The following EZH1 variants were observed in gnomAD, a reference collection of about 807,000 sequenced individuals.
EZH1 encodes enhancer of zeste 1 polycomb repressive complex 2 subunit, also known as histone-lysine N-methyltransferase EZH1.
EZH1 carries 33 observed loss-of-function variants against 100.5 expected under a neutral mutation model. The observed-to-expected ratio is 0.33, with a 90% CI of 0.25 to 0.44. EZH1 has a LOEUF of 0.44. Among genes scored for constraint, EZH1 ranks in the 20% least tolerant of loss-of-function variants. EZH1 has a pLI of 1.00. For synonymous variants in EZH1, 272 were observed against 313.8 expected (o/e 0.87, Z 1.41); for missense variants, 475 against 928.4 (o/e 0.51, Z 6.35).
intron 13 of EZH1, chr17:42,709,583 C>T: frequency 2.6e-6 from 1 of 379,292 alleles, no homozygotes; most frequent in Non-Finnish European, 4.8e-6. Flanking sequence ...GAGGCCAGCT[C>T]ATGTCCTATT....
rs1281267828 is a variant in EZH1 at position 42,734,936 on chromosome 17, T to C, written c.-102-4018A>G. 2.0e-5 allele frequency among the ~76,000 whole-genome samples: 3 copies of C among 147,122 alleles called. No individual in the cohort carries two copies. The East Asian group carries it at 6.0e-4, about 29-fold the overall frequency. On this transcript the variant is annotated intron_variant, in intron 1 of 20. Coordinates refer to ENST00000428826, the MANE Select transcript of EZH1 (RefSeq NM_001991.5). ...TGAACCTGGGAGGCAGAGGTTGCAG[T>C]GAGCTGAGATCGCGCCACTGCACTC...
chr17:42,704,516 C>T, intron 18 of EZH1, 86 bp downstream of exon 18: 1 of 1,101,488 alleles, frequency 9.1e-7, no homozygotes, highest in East Asian at 2.5e-5. Context: ...CCATTGCACC[C>T]TAGCCTGGGC....
intron 10 of EZH1, among the ~76,000 whole-genome samples, chr17:42,716,763 A>C (rs2053612879): frequency 6.6e-6 from 1 of 151,892 alleles, no homozygotes; most frequent in South Asian, 2.1e-4. Flanking sequence ...CAGTGGCGTG[A>C]TCTCGGCTCA....
intron 7 of EZH1, among the ~76,000 whole-genome samples, chr17:42,719,503 G>A (rs1246625935): frequency 6.6e-6 from 1 of 152,192 alleles, no homozygotes; most frequent in East Asian, 1.9e-4. Context: ...TTGAGAGGCC[G>A]AGGGGAGCGG....
chr17:42,717,888 A>G (rs936596868), intron 10 of EZH1, 88 bp downstream of exon 10: 2 of 1,171,566 alleles, frequency 1.7e-6, no homozygotes, highest in African/African-American at 1.5e-5. Flanking sequence ...TATTTGTGCT[A>G]TATGACCCCC....
chr17:42,728,599 G>A (rs552448004), intron 3 of EZH1, among the ~76,000 whole-genome samples: 17 of 150,988 alleles, frequency 1.1e-4, no homozygotes, highest in East Asian at 2.0e-4. Flanking sequence ...AAAATTAGCC[G>A]GGCGTGGTGG....
chr17:42,714,059 A>G (rs1032970976), intron 10 of EZH1, among the ~76,000 whole-genome samples: 6 of 151,798 alleles, frequency 4.0e-5, no homozygotes, highest in Admixed American at 3.9e-4. Context: ...GTACAATCTT[A>G]CTACTTAATT....
intron 13 of EZH1, 98 bp downstream of exon 13, chr17:42,709,748 G>A (rs1011362176): frequency 7.9e-6 from 9 of 1,139,726 alleles, no homozygotes; most frequent in South Asian, 1.3e-5. Context: ...AGCCTGTGCG[G>A]TTGCTAAAGA....
At chr17:42,726,859 A>T (rs531559655) in intron 4 of EZH1, among the ~76,000 whole-genome samples, 5 of 150,876 alleles carry the variant, frequency 3.3e-5, no homozygotes, top group Admixed American at 6.6e-5. Context: ...ATTATTTATT[A>T]TTTTTTTTGA....
intron 10 of EZH1, among the ~76,000 whole-genome samples, chr17:42,715,741 T>C (rs1474991243): frequency 1.3e-5 from 2 of 152,126 alleles, no homozygotes; most frequent in East Asian, 3.9e-4. Context: ...TTATTTGAGA[T>C]TAAAAACGAG....
chr17:42,734,849 C>T (rs1052428993), intron 1 of EZH1, among the ~76,000 whole-genome samples: 17 of 151,224 alleles, frequency 1.1e-4, no homozygotes, highest in Admixed American at 7.3e-4. Flanking sequence ...AAAAATTAGC[C>T]GGGTGTGGTG....
intron 10 of EZH1, among the ~76,000 whole-genome samples, chr17:42,714,112 ATT>A (rs1850704576): frequency 6.6e-6 from 1 of 152,220 alleles, no homozygotes; most frequent in South Asian, 2.1e-4. Context: ...TCAGAAGAAT[ATT>A]GTTTCATTAT....
Position 42,717,027 on chromosome 17 carries a change from A to G in EZH1, c.1023+949T>C, listed in dbSNP as rs538001740. On this transcript the variant is annotated intron_variant, in intron 10 of 20. Transcript: ENST00000428826. Reference sequence around the variant, plus strand: ...AACATGGAGTAATTTTAAAAGCATGATCTGTGGAGTTAGACCCTGACTTGA... The same window carrying G: ...AACATGGAGTAATTTTAAAAGCATGGTCTGTGGAGTTAGACCCTGACTTGA... Among the ~76,000 whole-genome samples the G allele has an allele frequency of 7.2e-5, 11 of 152,228 alleles. No individual in the cohort carries two copies. In the South Asian group the frequency reaches 2.3e-3, roughly 32 times the overall value.
In EZH1 at chr17:42,709,443, A is replaced by T. The variant is rs139354110; in HGVS notation, c.1493+403T>A. ...GAATTTTTTTAAAAACTTCCAACCT[A>T]AGTAAAGGCTATCATGTAACTCAGA... is the stretch of plus-strand genomic sequence containing the variant. On this transcript the variant is annotated intron_variant, in intron 13 of 20. Coordinates refer to ENST00000428826, the MANE Select transcript of EZH1 (RefSeq NM_001991.5). 2.2e-3 allele frequency: 396 copies of T among 181,758 alleles called. 1 individual carries two copies. Among genetic ancestry groups the T allele is most frequent in the African/African-American group, 7.7e-3 (326 of 42,418 alleles). 11.3% of individuals were successfully genotyped at this position (181,758 alleles called of 1,614,324 possible).
At chr17:42,732,118 AAAAACAAAAAC>A (rs1208988082) in intron 1 of EZH1, among the ~76,000 whole-genome samples, 2 of 151,950 alleles carry the variant, frequency 1.3e-5, no homozygotes, top group East Asian at 3.9e-4. Context: ...CCCCTGTCTC[AAAAACAAAAAC>A]AAAACAAAAC....
intron 1 of EZH1, among the ~76,000 whole-genome samples, chr17:42,743,029 C>T (rs2054205648): frequency 6.6e-6 from 1 of 152,050 alleles, no homozygotes; most frequent in Non-Finnish European, 1.5e-5. Context: ...ACCACCACGC[C>T]CAGCTAATTC....
intron 14 of EZH1, 23 bp from the exon 15 acceptor site, chr17:42,708,106 A>C (rs779326598): frequency 3.8e-6 from 6 of 1,580,156 alleles, no homozygotes; most frequent in Non-Finnish European, 5.2e-6. Flanking sequence ...ACAGAGGAGG[A>C]TGCTGCTGTG....
In EZH1 at chr17:42,706,328, C is replaced by T. The variant is rs1452333398; in HGVS notation, c.1661-143G>A. The T allele has an allele frequency of 3.0e-6, 2 of 667,508 alleles. No individual in the cohort carries two copies. Among genetic ancestry groups the T allele is most frequent in the Non-Finnish European group, 4.6e-6 (2 of 432,858 alleles). The allele number at this position is 667,508 out of a possible 1,614,324, so 41.3% of individuals were successfully genotyped here. A position where few individuals can be genotyped will look rare whatever the true frequency, so the allele number is the denominator to read the frequency against. On this transcript the variant is annotated intron_variant, in intron 15 of 20. Transcript: ENST00000428826. This position sits in a 1 kb window ranked among gnomAD's most constrained non-coding sequence, Gnocchi z 4.4. The stretch of plus-strand genomic sequence containing the variant: ...AAGAGGAAGCTCCCTTCCCAATAAT[C>T]AAATACACAAGTTTTGTCCATAGAA...
At chr17:42,716,475 T>C (rs915998663) in intron 10 of EZH1, among the ~76,000 whole-genome samples, 1 of 152,216 alleles carries the variant, frequency 6.6e-6, no homozygotes, top group African/African-American at 2.4e-5. Context: ...TTATATTTAA[T>C]ATGCACTCAA....
Sources: gnomAD v4.1 joint callset for allele counts (sites outside exome capture counted in the v4.1 genomes callset) on GRCh38, gnomAD v4.1.1 for gene constraint, Gnocchi (gnomAD v3.1) non-coding constraint, MANE v1.5 for transcripts, NCBI Gene and HGNC (gene_info 2026-07-23, HGNC 2026-07-21) for gene names.